Variants in TBCD observed in about 807,000 individuals in gnomAD.
TBCD encodes tubulin folding cofactor D, also known as tubulin-specific chaperone D.
In TBCD, 105 loss-of-function variants were observed where a neutral mutation model predicts 169.3. The ratio of observed to expected loss-of-function variants is 0.62; its 90% CI spans 0.53 to 0.73. TBCD has a LOEUF of 0.73. Ranked by LOEUF, TBCD falls within the 30% of genes least tolerant of loss-of-function variation. TBCD has a pLI of 0.00. For synonymous variants in TBCD, 700 were observed against 643.9 expected, an observed-to-expected ratio of 1.09 and a Z score of -1.32; for missense variants, 1,444 against 1,600.1, an observed-to-expected ratio of 0.90 and a Z score of 1.66.
At chr17:82,802,417 C>T (rs1406048495) in intron 9 of TBCD, among the ~76,000 whole-genome samples, 1 of 152,130 alleles carries the variant, frequency 6.6e-6, no homozygotes, top group Non-Finnish European at 1.5e-5. Context: ...GCTCATTAGG[C>T]ACAGTGTTCG....
chr17:82,772,657 G>A, intron 6 of TBCD, 150 bp downstream of exon 6: 4 of 853,154 alleles, frequency 4.7e-6, no homozygotes, highest in Non-Finnish European at 7.9e-6. Flanking sequence ...GGAGTGTGCA[G>A]CAGTGTTTGG....
At chr17:82,795,320 G>A (rs953973704) in intron 7 of TBCD, among the ~76,000 whole-genome samples, 10 of 152,058 alleles carry the variant, frequency 6.6e-5, no homozygotes, top group African/African-American at 2.2e-4. Flanking sequence ...GAGAGAGACC[G>A]GGGGACACGA....
chr17:82,939,530 C>T (rs917457242), intron 37 of TBCD, 54 bp downstream of exon 37: 7 of 1,395,730 alleles, frequency 5.0e-6, no homozygotes, highest in Non-Finnish European at 7.0e-6. Context: ...GCCCCTCTTC[C>T]TGTCCCCACC....
In TBCD at chr17:82,835,605, A is replaced by G. The variant is rs2053901999; in HGVS notation, c.1318+20671A>G. On this transcript the variant is annotated intron_variant, in intron 13 of 38. Coordinates refer to ENST00000355528, the MANE Select transcript of TBCD (RefSeq NM_005993.5). This position sits in a 1 kb window ranked among gnomAD's most constrained non-coding sequence, Gnocchi z 4.5. ...GCCCAGCTAATTTTTTTGTAATTTT[A>G]GTAGAGATGGGGTTTCACTATGTTG... Among the ~76,000 whole-genome samples, 4 of 151,746 alleles carry G rather than the reference A, an allele frequency of 2.6e-5. No individual in the cohort carries two copies. Among genetic ancestry groups the G allele is most frequent in the Admixed American group, 2.0e-4 (3 of 15,230 alleles).
rs116685344 is a variant in TBCD at position 82,835,249 on chromosome 17, C to T, written c.1318+20315C>T. ...GCAACGTGTGTGGGAGCCTAGGAGG[C>T]AGCTGTCCCTGAAGCAAGGCGCCAC... On this transcript the variant is annotated intron_variant, in intron 13 of 38. Transcript: ENST00000355528. This position sits in a 1 kb window ranked among gnomAD's most constrained non-coding sequence, Gnocchi z 4.5. 0.029 allele frequency among the ~76,000 whole-genome samples: 4,371 copies of T among 152,174 alleles called. 230 individuals are homozygous for T. Among genetic ancestry groups the T allele is most frequent in the African/African-American group, 0.099 (4,094 of 41,490 alleles).
Position 82,920,072 on chromosome 17 carries a change from T to TGCC in TBCD, c.2039-483_2039-482insCCG, listed in dbSNP as rs1023472662. 1.6e-4 allele frequency among the ~76,000 whole-genome samples: 25 copies of TGCC among 152,270 alleles called. No individual in the cohort carries two copies. Among genetic ancestry groups the TGCC allele is most frequent in the African/African-American group, 6.0e-4 (25 of 41,568 alleles). ...TCGTGCGTCCTGGCCCCCTCGTGGC[T>TGCC]GGTCAGGGCCACGTTTCTGGTCATG... On this transcript the variant is annotated intron_variant, in intron 23 of 38. Transcript: ENST00000355528. The surrounding 1 kb of genome is among the most constrained non-coding windows in gnomAD (Gnocchi z 4.1).
intron 13 of TBCD, among the ~76,000 whole-genome samples, chr17:82,825,677 A>G (rs570560623): frequency 2.0e-5 from 3 of 152,368 alleles, no homozygotes; most frequent in South Asian, 4.1e-4. Flanking sequence ...TACAAGTTTT[A>G]TAGAACTCTA....
In TBCD at chr17:82,900,694, G is replaced by C. The variant is rs556195168; in HGVS notation, c.1693G>C (p.Asp565His). 5 of 1,614,024 alleles carry C rather than the reference G, an allele frequency of 3.1e-6. No homozygotes were observed. In the South Asian group the frequency reaches 5.5e-5, roughly 18 times the overall value. Residue 565 changes from aspartate (D) to histidine (H), a missense_variant, in exon 18 of 39, where the codon GAC becomes CAC. By Grantham distance (81) the Asp-to-His change is moderately conservative (BLOSUM62 -1). Transcript: ENST00000355528. ...TCCTGAGTACACGCAGCCAATGATA[G>C]ACCACCTGGTTACCATGAAGATCAG... ...GFPEYTQPMI[D>H]HLVTMKISHW...
intron 13 of TBCD, among the ~76,000 whole-genome samples, chr17:82,854,108 T>C (rs1850593766): frequency 1.3e-5 from 2 of 152,338 alleles, no homozygotes; most frequent in South Asian, 4.1e-4. Flanking sequence ...CCTCGATCAC[T>C]TTCCATCTGA....
rs1349670626 is a variant in TBCD at position 82,848,668 on chromosome 17, ATCT to A, written c.1319-21551_1319-21549del. Among the ~76,000 whole-genome samples the A allele has an allele frequency of 5.3e-5, 8 of 152,320 alleles. No individual in the cohort carries two copies. In the Middle Eastern group the frequency reaches 0.01, roughly 194 times the overall value. ...TAAAATGAAAAAAATTAGCACTCAG[ATCT>A]TCTTTTTTTTCATGCTACAAAATAA... On this transcript the variant is annotated intron_variant, in intron 13 of 38. Coordinates refer to ENST00000355528, the MANE Select transcript of TBCD (RefSeq NM_005993.5).
At chr17:82,829,051 ATG>A (rs2145207227) in intron 13 of TBCD, among the ~76,000 whole-genome samples, 1 of 146,454 alleles carries the variant, frequency 6.8e-6, no homozygotes, top group East Asian at 2.1e-4. Context: ...ACAGGATCGA[ATG>A]CGCACACACC....
chr17:82,779,054 T>C (rs2048781194), intron 6 of TBCD, among the ~76,000 whole-genome samples: 3 of 150,704 alleles, frequency 2.0e-5, no homozygotes, highest in African/African-American at 4.9e-5. Context: ...GCTCTGTTGC[T>C]AGGCTGGAGT....
intron 24 of TBCD, 46 bp from the exon 25 acceptor site, chr17:82,921,455 A>G (rs765522921): frequency 9.4e-6 from 14 of 1,491,522 alleles, no homozygotes; most frequent in Admixed American, 1.7e-5. Context: ...TTTTGATTTC[A>G]TGGTGTTTTT....
At position 82,832,523 on chromosome 17, in the gene TBCD, G is replaced by A. The variant is rs1431608484; in HGVS notation, c.1318+17589G>A. 12 of 1,433,710 alleles carry A rather than the reference G, an allele frequency of 8.4e-6. 1 individual carries two copies. The Middle Eastern group carries it at 5.3e-4, about 63-fold the overall frequency. 88.8% of individuals were successfully genotyped at this position (1,433,710 alleles called of 1,614,324 possible). On this transcript the variant is annotated intron_variant, in intron 13 of 38. Transcript: ENST00000355528. The surrounding 1 kb of genome is among the most constrained non-coding windows in gnomAD (Gnocchi z 4.9). ...TCACTGTCGACGCCGCGTGCACTTC[G>A]TGGTTTCTAAAGAGGCACCTCCCGC...
In TBCD at chr17:82,939,382, G is replaced by T; in HGVS notation, c.3385G>T (p.Ala1129Ser). The change falls in exon 37 of 39, where the codon GCC (alanine) becomes TCC (serine). Residue 1129 changes from alanine (A) to serine (S), a missense_variant. By Grantham distance (99) the Ala-to-Ser change is moderately conservative. Coordinates refer to ENST00000355528, the MANE Select transcript of TBCD (RefSeq NM_005993.5). ...CCTGTCCCAGATCCGGAAGACCACG[G>T]CCAGCCAGGTGTACGAGACATTGCT... ...HRFPLIRKTT[A>S]SQVYETLLTY... is the part of the protein sequence containing the mutation. 6.2e-7 allele frequency: 1 copy of T among 1,612,396 alleles called. No homozygotes were observed.
intron 14 of TBCD, among the ~76,000 whole-genome samples, chr17:82,872,937 AGCCAGGCCCGGCACCTCGTGGCCGACGG>A (rs2057699490): frequency 6.9e-6 from 1 of 143,994 alleles, no homozygotes; most frequent in Non-Finnish European, 1.5e-5. Flanking sequence ...ACGGCTTCTG[AGCCAGGCCCGGCACCTCGTGGCCGACGG>A]CTTCTGAGCC....
chr17:82,753,714 A>G (rs888788157), intron 1 of TBCD, among the ~76,000 whole-genome samples: 1 of 151,254 alleles, frequency 6.6e-6, no homozygotes, highest in Non-Finnish European at 1.5e-5. Flanking sequence ...CAGCCTCCCA[A>G]AGTGTTGAGA....
chr17:82,862,778 A>C (rs2056874849), intron 13 of TBCD, among the ~76,000 whole-genome samples: 1 of 152,180 alleles, frequency 6.6e-6, no homozygotes, highest in Non-Finnish European at 1.5e-5. Flanking sequence ...GCCCCGGCTC[A>C]GCTGTGGCAG....
In TBCD at chr17:82,833,970, G is replaced by T. The variant is rs1331983120; in HGVS notation, c.1318+19036G>T. On this transcript the variant is annotated intron_variant, in intron 13 of 38. Transcript: ENST00000355528. This position sits in a 1 kb window ranked among gnomAD's most constrained non-coding sequence, Gnocchi z 4.7. ...GCTGTTTTTCTTTTTTTGAGACAGA[G>T]TTTCTCCCTTGTTGCCCAGTCTGGA... Among the ~76,000 whole-genome samples, 3 of 151,450 alleles carry T rather than the reference G, an allele frequency of 2.0e-5. No individual in the cohort carries two copies. The highest frequency in any genetic ancestry group is 6.6e-5 in the Admixed American group (1 of 15,214).
Sources: allele counts gnomAD v4.1 joint callset (sites outside exome capture counted in the v4.1 genomes callset), GRCh38; gene constraint gnomAD v4.1.1; non-coding constraint Gnocchi (gnomAD v3.1); transcripts MANE v1.5; gene names NCBI Gene and HGNC (gene_info 2026-07-23, HGNC 2026-07-21).